The following MET variants were observed in gnomAD, a reference collection of about 807,000 sequenced individuals.
MET encodes hepatocyte growth factor receptor.
In MET, 48 loss-of-function variants were observed where a neutral mutation model predicts 133.1. That is an observed-to-expected ratio of 0.36 (90% CI 0.29 to 0.46). The LOEUF is 0.46. MET is among the 20% of genes least tolerant of loss of function. MET has a pLI of 1.00. For synonymous variants in MET, 628 were observed against 616.5 expected (o/e 1.02, Z -0.28); for missense variants, 1,442 against 1,695.9 (o/e 0.85, Z 2.63).
chr7:116,764,525 T>C (rs1407769251), intron 11 of MET, among the ~76,000 whole-genome samples: 1 of 152,174 alleles, frequency 6.6e-6, no homozygotes, highest in Non-Finnish European at 1.5e-5. Flanking sequence ...TCACAGAAAC[T>C]CTATTTTTCT....
chr7:116,672,865 T>A (rs1304317163), intron 1 of MET, among the ~76,000 whole-genome samples: 1 of 152,118 alleles, frequency 6.6e-6, no homozygotes, highest in Admixed American at 6.5e-5. Flanking sequence ...CAGCAAGTTT[T>A]AAAGCTGGGA....
chr7:116,717,164 C>G (rs1792275832), intron 2 of MET, among the ~76,000 whole-genome samples: 1 of 152,196 alleles, frequency 6.6e-6, no homozygotes, highest in African/African-American at 2.4e-5. Flanking sequence ...CCACAGCACC[C>G]TAACAGCCTG....
chr7:116,759,280 A>G (rs2116936039), intron 9 of MET, 111 bp from the exon 10 acceptor site: 2 of 1,498,770 alleles, frequency 1.3e-6, no homozygotes, highest in Non-Finnish European at 1.8e-6. Flanking sequence ...TTTGATGTTG[A>G]CTGTGCCTCT....
chr7:116,757,850 T>TTG (rs745861246), intron 8 of MET, 76 bp downstream of exon 8: 121 of 1,501,090 alleles, frequency 8.1e-5, no homozygotes, highest in Non-Finnish European at 1.0e-4. Context: ...GCAGATTGTT[T>TTG]TGTGTGTGTG....
At chr7:116,689,756 A>T (rs1796709688) in intron 1 of MET, among the ~76,000 whole-genome samples, 1 of 151,590 alleles carries the variant, frequency 6.6e-6, no homozygotes, top group Non-Finnish European at 1.5e-5. Flanking sequence ...TTTTGTAGAG[A>T]TGGGGTTTGC....
At chr7:116,718,011 A>G (rs1009223423) in intron 2 of MET, among the ~76,000 whole-genome samples, 2 of 152,208 alleles carry the variant, frequency 1.3e-5, no homozygotes, top group Non-Finnish European at 2.9e-5. Flanking sequence ...TACAAATTGT[A>G]GAGGAATTCC....
At chr7:116,791,356 G>T (rs1019427156) in intron 19 of MET, among the ~76,000 whole-genome samples, 1 of 151,972 alleles carries the variant, frequency 6.6e-6, no homozygotes, top group Non-Finnish European at 1.5e-5. Flanking sequence ...ATCCTCTCCC[G>T]CACTTGACAT....
intron 2 of MET, among the ~76,000 whole-genome samples, chr7:116,702,130 T>G (rs888799811): frequency 1.3e-5 from 2 of 152,106 alleles, no homozygotes; most frequent in African/African-American, 4.8e-5. Context: ...GATTAGCCAA[T>G]GAAATTCAGG....
chr7:116,685,281 G>A (rs1796509686), intron 1 of MET, among the ~76,000 whole-genome samples: 1 of 152,134 alleles, frequency 6.6e-6, no homozygotes, highest in Non-Finnish European at 1.5e-5. Context: ...ATGTCTACAT[G>A]CTGACAACTT....
Position 116,769,549 on chromosome 7 carries a change from C to T in MET, c.2584-96C>T, listed in dbSNP as rs527807128. ...TCGTGTGCCTTGGCAAACAACATGG[C>T]CTGTGTTTGCAGTATATTTATATTC... On this transcript the variant is annotated intron_variant, in intron 11 of 20. Transcript: ENST00000397752. 114 of 1,456,762 alleles carry T rather than the reference C, an allele frequency of 7.8e-5. 1 individual carries two copies. The highest frequency in any genetic ancestry group is 1.0e-4 in the Non-Finnish European group (105 of 1,054,668). 90.2% of individuals were successfully genotyped at this position (1,456,762 alleles called of 1,614,324 possible).
chr7:116,791,644 T>G (rs1795499388), intron 19 of MET, among the ~76,000 whole-genome samples: 1 of 152,172 alleles, frequency 6.6e-6, no homozygotes, highest in African/African-American at 2.4e-5. Context: ...AAGCATATCT[T>G]ATGCGATACA....
intron 8 of MET, 86 bp from the exon 9 acceptor site, chr7:116,758,373 T>TTA: frequency 7.2e-7 from 1 of 1,379,818 alleles, no homozygotes; most frequent in Non-Finnish European, 1.0e-6. Flanking sequence ...AACCATTGAG[T>TTA]TATATCCTTT....
chr7:116,722,775 A>C (rs1057089790), intron 2 of MET, among the ~76,000 whole-genome samples: 1 of 152,054 alleles, frequency 6.6e-6, no homozygotes, highest in Non-Finnish European at 1.5e-5. Flanking sequence ...TTCTGGGTTG[A>C]AAATTCTTTT....
chr7:116,755,345 G>T lies in MET; in HGVS notation c.1702-10G>T, dbSNP rs2116908387. 1.2e-6 allele frequency: 2 copies of T among 1,613,774 alleles called. No homozygotes were observed. The highest frequency in any genetic ancestry group is 1.7e-6 in the Non-Finnish European group (2 of 1,179,850). The stretch of plus-strand genomic sequence containing the variant: ...TGGGTTTTTTTAAAAGTTCTATGTT[G>T]TCCTTGTAGGTTTTCCCAAATAGTG... On this transcript the variant is annotated splice_polypyrimidine_tract_variant and intron_variant, in intron 5 of 20. Coordinates refer to ENST00000397752, the MANE Select transcript of MET (RefSeq NM_000245.4).
intron 16 of MET, among the ~76,000 whole-genome samples, chr7:116,778,372 A>C (rs1201702333): frequency 6.6e-6 from 1 of 152,250 alleles, no homozygotes; most frequent in Non-Finnish European, 1.5e-5. Flanking sequence ...ATTTTCCTGC[A>C]AGATACTTTA....
chr7:116,750,156 G>T (rs940851158), intron 5 of MET, among the ~76,000 whole-genome samples: 6 of 151,880 alleles, frequency 4.0e-5, no homozygotes, highest in Non-Finnish European at 5.9e-5. Flanking sequence ...ACAGCTGGTG[G>T]CATCACGCTA....
rs1343529498 is a variant in MET at position 116,771,585 on chromosome 7, T to G, written c.2818T>G (p.Ser940Ala). ...NFTGLIAGVV[S>A]ISTALLLLLG... ...CACAGGATTGATTGCTGGTGTTGTC[T>G]CAATATCAACAGCACTGTTATTACT... The change falls in exon 13 of 21, where the codon TCA becomes GCA. Residue 940 changes from serine (S) to alanine (A), a missense_variant. Around this residue, in one of 6 missense-constraint regions of MET, gnomAD observed 514 missense variants for 659.6 expected, o/e 0.78. Coordinates refer to ENST00000397752, the MANE Select transcript of MET (RefSeq NM_000245.4). The G allele has an allele frequency of 6.2e-7, 1 of 1,613,798 alleles. No individual in the cohort carries two copies. The highest frequency in any genetic ancestry group is 8.5e-7 in the Non-Finnish European group (1 of 1,179,690).
chr7:116,787,007 C>T (rs942317838), intron 19 of MET, among the ~76,000 whole-genome samples: 3 of 152,064 alleles, frequency 2.0e-5, no homozygotes, highest in Non-Finnish European at 2.9e-5. Flanking sequence ...GGTAGGGGAA[C>T]TATTAGAGAA....
chr7:116,694,422 A>G (rs1272057679), intron 1 of MET, among the ~76,000 whole-genome samples: 3 of 152,156 alleles, frequency 2.0e-5, no homozygotes, highest in Admixed American at 1.3e-4. Flanking sequence ...ATGGTAACAG[A>G]TAATGTAAAG....
Sources: allele counts gnomAD v4.1 joint callset (sites outside exome capture counted in the v4.1 genomes callset), GRCh38; gene constraint gnomAD v4.1.1; regional missense constraint gnomAD v4.1.1; transcripts MANE v1.5; gene names NCBI Gene and HGNC (gene_info 2026-07-23, HGNC 2026-07-21).